Variants in CAVIN1 observed in about 807,000 individuals in gnomAD.
CAVIN1 encodes caveolae associated protein 1.
CAVIN1 carries 16 observed loss-of-function variants against 24.0 expected under a neutral mutation model. That is an observed-to-expected ratio of 0.67 (90% CI 0.45 to 1.01). The LOEUF (loss-of-function observed/expected upper bound fraction) is 1.01. CAVIN1 is among the 50% of genes least tolerant of loss of function. The pLI, the probability that CAVIN1 is intolerant of heterozygous loss-of-function variation, is 0.00. For synonymous variants in CAVIN1, 256 were observed against 256.4 expected (o/e 1.00, Z 0.02); for missense variants, 510 against 551.7 (o/e 0.92, Z 0.76).
intron 1 of CAVIN1, among the ~76,000 whole-genome samples, chr17:42,410,843 G>A (rs1226037785): frequency 2.3e-5 from 3 of 132,068 alleles, no homozygotes; most frequent in Non-Finnish European, 4.6e-5. Flanking sequence ...GCAGTGAGCC[G>A]AGATCGTGCC....
At chr17:42,421,138 G>A (rs1320437305) in intron 1 of CAVIN1, among the ~76,000 whole-genome samples, 1 of 152,096 alleles carries the variant, frequency 6.6e-6, no homozygotes, top group East Asian at 1.9e-4. Flanking sequence ...CGTGGGTAAG[G>A]GTGGGGAGGG....
In CAVIN1 at chr17:42,405,329, C is replaced by G. The variant is rs771956040; in HGVS notation, c.531G>C (p.Ala177=). The change falls in exon 2 of 2, where the codon GCG becomes GCC. Residue 177 remains alanine, a synonymous_variant. Transcript: ENST00000357037. ...SISKSLKESE[A]LPEKEGEELG... ...GCTCCTCGCCCTCCTTCTCTGGCAG[C>G]GCCTCCGACTCTTTCAGCGATTTGC... 1.2e-6 allele frequency: 2 copies of G among 1,610,062 alleles called. No individual in the cohort carries two copies. The highest frequency in any genetic ancestry group is 1.7e-6 in the Non-Finnish European group (2 of 1,179,990).
At chr17:42,407,392 A>G (rs955707269) in intron 1 of CAVIN1, among the ~76,000 whole-genome samples, 3 of 152,040 alleles carry the variant, frequency 2.0e-5, no homozygotes, top group Non-Finnish European at 4.4e-5. Context: ...GACACCACAC[A>G]CACACACCCC....
chr17:42,405,389 C>CT lies in CAVIN1; in HGVS notation c.472-2dup, dbSNP rs1244482288. ...GTTTGGCCGGCAGCTTCACTTCATC[C>CT]TAAGGGAAGAGGAGAAGGGACATGA... On this transcript the variant is annotated splice_acceptor_variant, in intron 1 of 1. Coordinates refer to ENST00000357037, the MANE Select transcript of CAVIN1 (RefSeq NM_012232.6). LOFTEE classifies it high-confidence loss of function. 6.2e-7 allele frequency: 1 copy of CT among 1,603,492 alleles called. No individual in the cohort carries two copies. The highest frequency in any genetic ancestry group is 8.5e-7 in the Non-Finnish European group (1 of 1,179,902).
At chr17:42,412,386 C>A in intron 1 of CAVIN1, 3 of 495,476 alleles carry the variant, frequency 6.1e-6, no homozygotes, top group Non-Finnish European at 7.8e-6. Flanking sequence ...TGGAAATAAA[C>A]CACTTTTTTT....
intron 1 of CAVIN1, among the ~76,000 whole-genome samples, chr17:42,421,729 G>T (rs898781932): frequency 6.6e-6 from 1 of 152,176 alleles, no homozygotes; most frequent in African/African-American, 2.4e-5. Flanking sequence ...GCCCCGGGCG[G>T]AGCCGGGGGG....
At chr17:42,420,711 A>G (rs1567781338) in intron 1 of CAVIN1, among the ~76,000 whole-genome samples, 2 of 152,198 alleles carry the variant, frequency 1.3e-5, no homozygotes. Context: ...GCCTCTGCAG[A>G]TAAGTCTTTC....
At chr17:42,418,682 C>G (rs1567780778) in intron 1 of CAVIN1, among the ~76,000 whole-genome samples, 1 of 152,024 alleles carries the variant, frequency 6.6e-6, no homozygotes, top group Non-Finnish European at 1.5e-5. Context: ...ATAGAGTTAA[C>G]AGAAATTATT....
chr17:42,421,928 CCAG>C (rs986951076), intron 1 of CAVIN1, among the ~76,000 whole-genome samples: 20 of 152,250 alleles, frequency 1.3e-4, no homozygotes, highest in African/African-American at 4.8e-4. Context: ...CCGCCCGCTT[CCAG>C]GAGGCCCAGG....
In CAVIN1 at chr17:42,405,097, T is replaced by A; in HGVS notation, c.763A>T (p.Thr255Ser). The stretch of plus-strand genomic sequence containing the variant: ...AGGTTTTCCTTGGTCTTGAGGCGCG[T>A]CTTCTCCAGGTTCTCGCGGGTACGC... ...KVRTRENLEK[T>S]RLKTKENLEK... is the part of the protein sequence containing the mutation. Residue 255 changes from threonine to serine, a missense_variant, in exon 2 of 2, where the codon ACG (threonine) becomes TCG (serine). Thr to Ser is a moderately conservative substitution (Grantham distance 58). Coordinates refer to ENST00000357037, the MANE Select transcript of CAVIN1 (RefSeq NM_012232.6). 1.2e-6 allele frequency: 2 copies of A among 1,613,948 alleles called. No homozygotes were observed. The highest frequency in any genetic ancestry group is 1.7e-6 in the Non-Finnish European group (2 of 1,179,980).
At chr17:42,406,637 A>T (rs1053191719) in intron 1 of CAVIN1, among the ~76,000 whole-genome samples, 1 of 152,106 alleles carries the variant, frequency 6.6e-6, no homozygotes, top group Admixed American at 6.5e-5. Context: ...TTGGCCTCCC[A>T]AAGTGCTGGG....
rs1345796452 is a variant in CAVIN1, at chr17:42,408,236, C to T, written c.472-2848G>A. On this transcript the variant is annotated intron_variant, in intron 1 of 1. Coordinates refer to ENST00000357037, the MANE Select transcript of CAVIN1 (RefSeq NM_012232.6). ...AAACAAATCCACTTTGTCTCTCTGCCCTACCCCCAGCATCCCCCGCTTCTC... is the reference window on the plus strand; with the variant it reads ...AAACAAATCCACTTTGTCTCTCTGCTCTACCCCCAGCATCCCCCGCTTCTC... Among the ~76,000 whole-genome samples, 4 of 152,132 alleles carry T rather than the reference C, an allele frequency of 2.6e-5. No individual in the cohort carries two copies. In the South Asian group the frequency reaches 8.3e-4, roughly 32 times the overall value.
At chr17:42,405,611 G>A (rs2145472022) in intron 1 of CAVIN1, among the ~76,000 whole-genome samples, 1 of 151,712 alleles carries the variant, frequency 6.6e-6, no homozygotes, top group Admixed American at 6.6e-5. Context: ...TTCGAGACCA[G>A]CCTGGGCAAC....
chr17:42,406,521 T>C (rs1216680101), intron 1 of CAVIN1, among the ~76,000 whole-genome samples: 2 of 152,038 alleles, frequency 1.3e-5, no homozygotes, highest in Admixed American at 6.5e-5. Context: ...ACTGCAGGCA[T>C]GCGCCACCAC....
At chr17:42,414,475 G>A (rs1018532966) in intron 1 of CAVIN1, among the ~76,000 whole-genome samples, 3 of 151,814 alleles carry the variant, frequency 2.0e-5, no homozygotes, top group African/African-American at 7.3e-5. Flanking sequence ...CTAGTCTCAA[G>A]CAATCTTCCT....
rs184483035 is a variant in CAVIN1, at chr17:42,409,289, C to T, written c.472-3901G>A. ...CTAATTTTTGTAGTTTTTGTACAGG[C>T]AGAGTCTCACTATGTTGCCCAGGCT... On this transcript the variant is annotated intron_variant, in intron 1 of 1. Transcript: ENST00000357037. 6.4e-4 allele frequency among the ~76,000 whole-genome samples: 98 copies of T among 152,098 alleles called. No homozygotes were observed. The Middle Eastern group carries it at 0.01, about 16-fold the overall frequency.
intron 1 of CAVIN1, among the ~76,000 whole-genome samples, chr17:42,417,075 A>G (rs1304521466): frequency 2.0e-5 from 3 of 152,172 alleles, no homozygotes; most frequent in East Asian, 3.8e-4. Flanking sequence ...TGCCTCCTCA[A>G]AACTGCTCCA....
intron 1 of CAVIN1, among the ~76,000 whole-genome samples, chr17:42,411,192 C>CAAAAAAAAAAAAA (rs71157624): frequency 0.024 from 1,135 of 46,422 alleles, 192 homozygotes; most frequent in Non-Finnish European, 0.032. Flanking sequence ...GACTATGTCT[C>CAAAAAAAAAAAAA]AAAAAAAAAA....
chr17:42,416,737 A>C (rs959293097), intron 1 of CAVIN1, among the ~76,000 whole-genome samples: 2 of 151,910 alleles, frequency 1.3e-5, no homozygotes, highest in Non-Finnish European at 2.9e-5. Flanking sequence ...GTTTGGGAGG[A>C]AGGGATGTAC....
Sources: allele counts gnomAD v4.1 joint callset (sites outside exome capture counted in the v4.1 genomes callset), GRCh38; gene constraint gnomAD v4.1.1; transcripts MANE v1.5; gene names NCBI Gene and HGNC (gene_info 2026-07-23, HGNC 2026-07-21).